The following TMEM39A variants were observed in gnomAD, a reference collection of about 807,000 sequenced individuals.
TMEM39A encodes the protein suppressor of SQST-1 aggregates in rpl-43 mutants.
In TMEM39A, 19 loss-of-function variants were observed where a neutral mutation model predicts 51.9. The ratio of observed to expected loss-of-function variants is 0.37; its 90% confidence interval spans 0.26 to 0.54. The LOEUF is 0.54. Ranked by LOEUF, TMEM39A falls within the 20% of genes least tolerant of loss-of-function variation. The pLI is 0.88. For missense variants in TMEM39A, 433 were observed against 590.5 expected (o/e 0.73, Z 2.76); for synonymous variants, 197 against 220.2 (o/e 0.89, Z 0.93).
intron 3 of TMEM39A, among the ~76,000 whole-genome samples, chr3:119,456,205 C>A (rs2081261260): frequency 6.6e-6 from 1 of 152,058 alleles, no homozygotes; most frequent in Non-Finnish European, 1.5e-5. Context: ...AACATCCAAT[C>A]CAACTTCTTT....
At position 119,449,388 on chromosome 3, in the gene TMEM39A, A is replaced by C. The variant is rs186678359; in HGVS notation, c.421-2216T>G. 2.2e-3 allele frequency among the ~76,000 whole-genome samples: 333 copies of C among 152,208 alleles called. 6 individuals are homozygous for C. The East Asian group carries it at 0.044, about 20-fold the overall frequency. ...CTGGAGTTTGAGACCAACCTGGCCA[A>C]CATGGTGAAACCCTGTCTCTACTAA... is the stretch of plus-strand genomic sequence containing the variant. On this transcript the variant is annotated intron_variant, in intron 4 of 8. Transcript: ENST00000319172.
chr3:119,462,078 C>G lies in TMEM39A; in HGVS notation c.-4G>C. On this transcript the variant is annotated 5_prime_UTR_variant, in exon 2 of 9. Transcript: ENST00000319172. ...GGCCCCTCCTTCCACCGGGCATGTC[C>G]AGGAACCAGTCTGCTTCCAGTGCCA... 1 of 1,613,586 alleles carries G rather than the reference C, an allele frequency of 6.2e-7. No individual in the cohort carries two copies. The highest frequency in any genetic ancestry group is 8.5e-7 in the Non-Finnish European group (1 of 1,179,730).
chr3:119,435,868 C>T, intron 7 of TMEM39A: 1 of 1,289,444 alleles, frequency 7.8e-7, no homozygotes. Flanking sequence ...GTCCTTTGCC[C>T]ACAGTCGGGT....
At chr3:119,450,973 G>C (rs574600659) in intron 4 of TMEM39A, among the ~76,000 whole-genome samples, 3 of 151,946 alleles carry the variant, frequency 2.0e-5, no homozygotes, top group African/African-American at 7.3e-5. Flanking sequence ...ACACTAACTG[G>C]GCATACTAAT....
At chr3:119,440,981 G>A (rs958029609) in intron 5 of TMEM39A, among the ~76,000 whole-genome samples, 3 of 151,992 alleles carry the variant, frequency 2.0e-5, no homozygotes, top group Admixed American at 6.6e-5. Flanking sequence ...TCTGTTATGC[G>A]AAATGTGATC....
chr3:119,458,935 G>A (rs892032626), intron 2 of TMEM39A, among the ~76,000 whole-genome samples: 2 of 152,094 alleles, frequency 1.3e-5, no homozygotes, highest in African/African-American at 2.4e-5. Context: ...ATAGATTTAA[G>A]AATCTATTCA....
intron 3 of TMEM39A, among the ~76,000 whole-genome samples, chr3:119,455,250 A>T (rs1325010593): frequency 6.6e-6 from 1 of 152,206 alleles, no homozygotes; most frequent in African/African-American, 2.4e-5. Context: ...ATGGGAAATA[A>T]CTTGATCTCC....
chr3:119,450,114 A>C (rs2081179484), intron 4 of TMEM39A, among the ~76,000 whole-genome samples: 1 of 152,216 alleles, frequency 6.6e-6, no homozygotes, highest in South Asian at 2.1e-4. Context: ...TACAGCTCTT[A>C]TTTTAAATTT....
intron 5 of TMEM39A, among the ~76,000 whole-genome samples, chr3:119,438,666 T>C (rs2081008938): frequency 6.6e-6 from 1 of 152,222 alleles, no homozygotes; most frequent in Non-Finnish European, 1.5e-5. Flanking sequence ...CTGTTTCTTA[T>C]TTTCCACTAC....
chr3:119,442,554 G>C (rs1425392172), intron 5 of TMEM39A, among the ~76,000 whole-genome samples: 2 of 152,112 alleles, frequency 1.3e-5, no homozygotes, highest in Non-Finnish European at 2.9e-5. Context: ...CAATGGATCT[G>C]GGCAAAGTAA....
chr3:119,450,717 G>A (rs1297484650), intron 4 of TMEM39A, among the ~76,000 whole-genome samples: 1 of 151,204 alleles, frequency 6.6e-6, no homozygotes, highest in Non-Finnish European at 1.5e-5. Flanking sequence ...AGCTACTCAG[G>A]AGGCTGAGGC....
rs747005861 is a variant in TMEM39A, at chr3:119,438,091, AT to A, written c.587del (p.Tyr196LeufsTer29). The A allele has an allele frequency of 6.3e-7, 1 of 1,588,080 alleles. No homozygotes were observed. Among genetic ancestry groups the A allele is most frequent in the Non-Finnish European group, 8.6e-7 (1 of 1,158,976 alleles). On this transcript the variant is annotated frameshift_variant, in exon 6 of 9. Transcript: ENST00000319172. LOFTEE classifies it high-confidence loss of function. ...CTTGATGAAAACAGCAAAGAGGAACATAAACACCAAACCTGTAAAACAAAGT... is the reference window on the plus strand; with the variant it reads ...CTTGATGAAAACAGCAAAGAGGAACAAAACACCAAACCTGTAAAACAAAGT... ...LLFLGYPFGV[Y>X]VPLCCFHQDS...
chr3:119,461,797 C>G (rs1478888509), intron 2 of TMEM39A, among the ~76,000 whole-genome samples, 165 bp downstream of exon 2: 9 of 152,164 alleles, frequency 5.9e-5, no homozygotes, highest in Non-Finnish European at 1.3e-4. Flanking sequence ...CTTTTTACCT[C>G]CAAAGTATTT....
chr3:119,431,973 G>A lies in TMEM39A; in HGVS notation c.*8C>T. On this transcript the variant is annotated 3_prime_UTR_variant, in exon 9 of 9. Coordinates refer to ENST00000319172, the MANE Select transcript of TMEM39A (RefSeq NM_018266.3). ...TATCTGAGTTCTCCCTCATTGTTGA[G>A]AGGCAGCTTAGTTTGCCTTGAGTTC... 2 of 1,546,880 alleles carry A rather than the reference G, an allele frequency of 1.3e-6. No individual in the cohort carries two copies. The highest frequency in any genetic ancestry group is 1.4e-5 in the African/African-American group (1 of 73,686).
At chr3:119,454,766 TG>T (rs2081243597) in intron 3 of TMEM39A, among the ~76,000 whole-genome samples, 2 of 152,138 alleles carry the variant, frequency 1.3e-5, no homozygotes, top group African/African-American at 4.8e-5. Context: ...TCCAGCCTGC[TG>T]ACAGAGCCAA....
chr3:119,461,427 G>A (rs2081335744), intron 2 of TMEM39A, among the ~76,000 whole-genome samples: 1 of 152,202 alleles, frequency 6.6e-6, no homozygotes, highest in Non-Finnish European at 1.5e-5. Flanking sequence ...TTTTTTCAGG[G>A]AGGAAGGAGA....
intron 6 of TMEM39A, 77 bp downstream of exon 6, chr3:119,437,678 G>T: frequency 8.3e-7 from 1 of 1,202,420 alleles, no homozygotes; most frequent in Admixed American, 2.3e-5. Flanking sequence ...AGAAAAGGGG[G>T]ATTAAACAAG....
At chr3:119,456,298 G>A (rs1577064999) in intron 3 of TMEM39A, among the ~76,000 whole-genome samples, 1 of 151,826 alleles carries the variant, frequency 6.6e-6, no homozygotes, top group East Asian at 1.9e-4. Context: ...AAGAAAAAAA[G>A]ACTTAAAAAA....
intron 3 of TMEM39A, among the ~76,000 whole-genome samples, chr3:119,455,868 A>G (rs2081257101): frequency 3.3e-5 from 5 of 152,242 alleles, no homozygotes; most frequent in Admixed American, 3.3e-4. Flanking sequence ...AAGCACTTAC[A>G]GAATAAATAT....
Sources: gnomAD v4.1 joint callset for allele counts (sites outside exome capture counted in the v4.1 genomes callset) on GRCh38, gnomAD v4.1.1 for gene constraint, MANE v1.5 for transcripts, NCBI Gene and HGNC (gene_info 2026-07-23, HGNC 2026-07-21) for gene names.